The following ELMO1 variants were observed in gnomAD, a reference collection of about 807,000 sequenced individuals.
ELMO1 encodes the protein engulfment and cell motility 1.
Under a neutral mutation model 98.9 loss-of-function variants are expected in ELMO1, and 26 were observed. The ratio of observed to expected loss-of-function variants is 0.26; its 90% CI spans 0.19 to 0.36. The LOEUF is 0.36. Among genes scored for constraint, ELMO1 ranks in the 10% least tolerant of loss-of-function variants. The pLI is 1.00. For synonymous variants in ELMO1, 346 were observed against 346.0 expected (o/e 1.00, Z 0.00); for missense variants, 627 against 935.2 (o/e 0.67, Z 4.30).
chr7:37,068,791 C>T (rs888110315), intron 15 of ELMO1, among the ~76,000 whole-genome samples: 8 of 152,086 alleles, frequency 5.3e-5, no homozygotes, highest in Admixed American at 2.6e-4. Context: ...CAGAAATCCC[C>T]TTTAGGAGGT....
intron 4 of ELMO1, among the ~76,000 whole-genome samples, chr7:37,278,435 G>A (rs757020177): frequency 3.3e-5 from 5 of 152,036 alleles, no homozygotes; most frequent in Non-Finnish European, 7.4e-5. Flanking sequence ...CTTGAGCCCA[G>A]AAAGTTAAGG....
intron 16 of ELMO1, among the ~76,000 whole-genome samples, chr7:36,957,844 C>T (rs551953004): frequency 1.3e-5 from 2 of 152,300 alleles, no homozygotes; most frequent in East Asian, 1.9e-4. Flanking sequence ...CCAAATACCT[C>T]GCTTTGCATG....
chr7:36,946,789 C>A (rs978786631), intron 16 of ELMO1, among the ~76,000 whole-genome samples: 4 of 152,220 alleles, frequency 2.6e-5, no homozygotes, highest in African/African-American at 9.6e-5. Context: ...TCTCTTCTCA[C>A]TCCCCACCTT....
At position 37,033,493 on chromosome 7, in the gene ELMO1, A is replaced by T. The variant is rs1317241617; in HGVS notation, c.1301-20058T>A. The T allele has an allele frequency of 5.2e-5, 5 of 96,924 alleles. No homozygotes were observed. In the South Asian group the frequency reaches 6.1e-4, roughly 12 times the overall value. The allele number at this position is 96,924 out of a possible 1,614,324, so 6.0% of individuals were successfully genotyped here. A position where few individuals can be genotyped will look rare whatever the true frequency, so the allele number is the denominator to read the frequency against. Reference sequence around the variant, plus strand: ...ATGTCTAGGCCATGTGTTTAGTGTTAAAAAAAAAAAAAATACACCAAACAG... The same window carrying T: ...ATGTCTAGGCCATGTGTTTAGTGTTTAAAAAAAAAAAAATACACCAAACAG... On this transcript the variant is annotated intron_variant, in intron 15 of 21. Coordinates refer to ENST00000310758, the MANE Select transcript of ELMO1 (RefSeq NM_014800.11).
chr7:36,973,977 G>C (rs534171015), intron 16 of ELMO1, among the ~76,000 whole-genome samples: 88 of 149,608 alleles, frequency 5.9e-4, no homozygotes, highest in African/African-American at 2.1e-3. Flanking sequence ...GCCTTCCCGC[G>C]GGGCAGGGCT....
At position 37,237,453 on chromosome 7, in the gene ELMO1, C is replaced by T. The variant is rs528539810; in HGVS notation, c.450-4259G>A. The stretch of plus-strand genomic sequence containing the variant: ...TACAGGTGCACACCACCATGCCCAG[C>T]TAATTTTTGTATTTTTAGTAGAGAA... On this transcript the variant is annotated intron_variant, in intron 7 of 21. Transcript: ENST00000310758. 2.6e-5 allele frequency among the ~76,000 whole-genome samples: 4 copies of T among 152,230 alleles called. No homozygotes were observed. In the East Asian group the frequency reaches 7.7e-4, roughly 29 times the overall value.
chr7:37,186,597 T>A (rs1184577911), intron 13 of ELMO1, among the ~76,000 whole-genome samples: 1 of 152,154 alleles, frequency 6.6e-6, no homozygotes. Context: ...TACAGAACTA[T>A]TACAACTCAA....
At chr7:37,185,826 A>G (rs1362408156) in intron 13 of ELMO1, among the ~76,000 whole-genome samples, 1 of 152,244 alleles carries the variant, frequency 6.6e-6, no homozygotes, top group Non-Finnish European at 1.5e-5. Flanking sequence ...TAAATAAATC[A>G]ATGGGTATCC....
At chr7:37,234,406 C>T (rs1446328927) in intron 7 of ELMO1, among the ~76,000 whole-genome samples, 1 of 152,166 alleles carries the variant, frequency 6.6e-6, no homozygotes, top group African/African-American at 2.4e-5. Context: ...CTGTTCTACT[C>T]AGCCCAGCCT....
chr7:37,166,421 T>C (rs1385826956), intron 13 of ELMO1, among the ~76,000 whole-genome samples: 3 of 152,138 alleles, frequency 2.0e-5, no homozygotes, highest in Non-Finnish European at 2.9e-5. Flanking sequence ...TTCTTTTAAT[T>C]GTGATGTTAG....
At chr7:36,886,604 C>T (rs968905425) in intron 18 of ELMO1, among the ~76,000 whole-genome samples, 1 of 152,162 alleles carries the variant, frequency 6.6e-6, no homozygotes, top group East Asian at 1.9e-4. Context: ...AATCTCTTTG[C>T]CTCTTCCCAA....
intron 13 of ELMO1, among the ~76,000 whole-genome samples, chr7:37,183,352 A>C (rs548859993): frequency 6.6e-6 from 1 of 152,364 alleles, no homozygotes; most frequent in South Asian, 2.1e-4. Flanking sequence ...ACATTGTTTC[A>C]GTAATTAGTG....
At chr7:37,078,531 T>C (rs566681036) in intron 15 of ELMO1, among the ~76,000 whole-genome samples, 9 of 152,228 alleles carry the variant, frequency 5.9e-5, no homozygotes, top group South Asian at 2.1e-4. Flanking sequence ...GTTTGAAAAC[T>C]GCCTTTTATC....
rs144694086 is a variant in ELMO1, at chr7:36,892,265, G to T, written c.1601+2589C>A. Among the ~76,000 whole-genome samples, 22 of 152,298 alleles carry T rather than the reference G, an allele frequency of 1.4e-4. No homozygotes were observed. In the East Asian group the frequency reaches 4.3e-3, roughly 30 times the overall value. ...TAGTGGGATTCCCCACTGGTGGTCAGGCCCCAGCCAAGTTGCTGTCCCTGT... is the reference window on the plus strand; with the variant it reads ...TAGTGGGATTCCCCACTGGTGGTCATGCCCCAGCCAAGTTGCTGTCCCTGT... On this transcript the variant is annotated intron_variant, in intron 17 of 21. Transcript: ENST00000310758.
At chr7:37,170,292 G>A (rs1790059564) in intron 13 of ELMO1, among the ~76,000 whole-genome samples, 1 of 152,234 alleles carries the variant, frequency 6.6e-6, no homozygotes, top group Non-Finnish European at 1.5e-5. Context: ...CAGTCAGATG[G>A]ACAGCAGTCG....
chr7:37,015,212 T>G (rs1279703930), intron 15 of ELMO1, among the ~76,000 whole-genome samples: 1 of 147,866 alleles, frequency 6.8e-6, no homozygotes. Flanking sequence ...AGTCCGGGGG[T>G]GGGGTGGGGG....
chr7:37,349,206 C>G (rs1353514637), intron 1 of ELMO1, among the ~76,000 whole-genome samples: 4 of 152,192 alleles, frequency 2.6e-5, no homozygotes, highest in African/African-American at 9.7e-5. Flanking sequence ...TGTCCTCTGT[C>G]CCGCTAAGTC....
At chr7:37,118,251 T>A (rs1785736819) in intron 14 of ELMO1, among the ~76,000 whole-genome samples, 1 of 152,192 alleles carries the variant, frequency 6.6e-6, no homozygotes, top group African/African-American at 2.4e-5. Flanking sequence ...CTTCAATGCA[T>A]ACTGTTGTCC....
chr7:36,906,290 T>C (rs762869575), intron 16 of ELMO1, among the ~76,000 whole-genome samples: 6 of 152,034 alleles, frequency 3.9e-5, no homozygotes, highest in South Asian at 4.1e-4. Context: ...CTGTGATATA[T>C]ACAAGAAAAT....
Sources: gnomAD v4.1 joint callset for allele counts (sites outside exome capture counted in the v4.1 genomes callset) on GRCh38, gnomAD v4.1.1 for gene constraint, MANE v1.5 for transcripts, NCBI Gene and HGNC (gene_info 2026-07-23, HGNC 2026-07-21) for gene names.